Variants in CNTNAP2 observed in about 807,000 individuals in gnomAD.
CNTNAP2 encodes contactin-associated protein-like 2.
A neutral mutation model predicts 155.2 loss-of-function variants in CNTNAP2; 98 were observed. The observed-to-expected ratio is 0.63, with a 90% CI of 0.54 to 0.75. CNTNAP2 has a LOEUF of 0.75. Among genes scored for constraint, CNTNAP2 ranks in the 30% least tolerant of loss-of-function variants. The pLI, the probability that CNTNAP2 is intolerant of heterozygous loss-of-function variation, is 0.00. For synonymous variants in CNTNAP2, 651 were observed against 631.2 expected, an observed-to-expected ratio of 1.03 and a Z score of -0.47; for missense variants, 1,727 against 1,688.1, an observed-to-expected ratio of 1.02 and a Z score of -0.40.
intron 9 of CNTNAP2, among the ~76,000 whole-genome samples, chr7:147,337,647 C>T (rs1795687797): frequency 1.3e-5 from 2 of 152,112 alleles, no homozygotes; most frequent in South Asian, 4.1e-4. Context: ...ATTGTTATCA[C>T]AAAATACCAC....
intron 4 of CNTNAP2, among the ~76,000 whole-genome samples, chr7:147,067,968 G>A (rs139264869): frequency 1.3e-3 from 195 of 152,312 alleles, no homozygotes; most frequent in Non-Finnish European, 1.8e-3. Flanking sequence ...CTAGCCCATC[G>A]GCGTGTCAGC....
chr7:147,222,194 T>C (rs1342931219), intron 8 of CNTNAP2, among the ~76,000 whole-genome samples: 6 of 152,172 alleles, frequency 3.9e-5, no homozygotes, highest in Admixed American at 2.6e-4. Context: ...GGTTCATCTG[T>C]CTCTTCTCTT....
intron 3 of CNTNAP2, among the ~76,000 whole-genome samples, chr7:146,943,290 G>A (rs989445038): frequency 2.0e-5 from 3 of 152,138 alleles, no homozygotes; most frequent in South Asian, 2.1e-4. Context: ...TCAGGAATTC[G>A]AGACCAGCCT....
intron 13 of CNTNAP2, among the ~76,000 whole-genome samples, chr7:147,810,170 T>C (rs1020300464): frequency 4.6e-5 from 7 of 151,572 alleles, no homozygotes; most frequent in African/African-American, 1.5e-4. Context: ...TATTATTTAG[T>C]TTTAATTTTT....
intron 20 of CNTNAP2, among the ~76,000 whole-genome samples, chr7:148,247,623 C>CTATTTATTTA (rs1220582979): frequency 6.8e-5 from 7 of 102,458 alleles, no homozygotes; most frequent in South Asian, 3.7e-4. Flanking sequence ...CTCTCTCTCT[C>CTATTTATTTA]TCTATTTATT....
intron 13 of CNTNAP2, among the ~76,000 whole-genome samples, chr7:147,769,468 G>A (rs759560446): frequency 6.6e-6 from 1 of 152,102 alleles, no homozygotes; most frequent in Non-Finnish European, 1.5e-5. Context: ...CTATAGTGAA[G>A]TGTCTGATTA....
chr7:147,700,391 T>C (rs563545188), intron 13 of CNTNAP2, among the ~76,000 whole-genome samples: 15 of 152,264 alleles, frequency 9.9e-5, no homozygotes, highest in African/African-American at 3.6e-4. Context: ...GTGACCCAGG[T>C]GCGTGTAACT....
At chr7:147,004,212 C>CAAAAAAAAAAAAA (rs71525979) in intron 3 of CNTNAP2, among the ~76,000 whole-genome samples, 3 of 97,706 alleles carry the variant, frequency 3.1e-5, no homozygotes, top group Non-Finnish European at 6.5e-5. Context: ...ACTCATATAC[C>CAAAAAAAAAAAAA]AAAAAAAAAA....
At chr7:147,840,487 C>G (rs993078667) in intron 13 of CNTNAP2, among the ~76,000 whole-genome samples, 1 of 152,094 alleles carries the variant, frequency 6.6e-6, no homozygotes, top group South Asian at 2.1e-4. Context: ...TAGGAGAGTG[C>G]CCGGGAGGGA....
chr7:146,180,159 A>C (rs13243694), intron 1 of CNTNAP2, among the ~76,000 whole-genome samples: 1 of 152,158 alleles, frequency 6.6e-6, no homozygotes, highest in Non-Finnish European at 1.5e-5. Flanking sequence ...TTTCACTTTA[A>C]TAATTACAAC....
intron 1 of CNTNAP2, among the ~76,000 whole-genome samples, chr7:146,207,637 G>GTTTTTTTTTTTTTTT (rs57881187): frequency 1.6e-5 from 2 of 122,360 alleles, no homozygotes; most frequent in Non-Finnish European, 1.7e-5. Flanking sequence ...ACAGGACTGT[G>GTTTTTTTTTTTTTTT]TTTTTTTTTT....
At chr7:146,897,207 A>G (rs553937067) in intron 3 of CNTNAP2, among the ~76,000 whole-genome samples, 32 of 152,258 alleles carry the variant, frequency 2.1e-4, no homozygotes, top group African/African-American at 7.2e-4. Flanking sequence ...GATACTACTC[A>G]GTGTCTATTT....
At chr7:146,646,302 A>C (rs1324845129) in intron 1 of CNTNAP2, among the ~76,000 whole-genome samples, 2 of 152,156 alleles carry the variant, frequency 1.3e-5, no homozygotes, top group African/African-American at 4.8e-5. Context: ...TTTGTGAAAT[A>C]TATGTGAATG....
chr7:148,156,113 A>C (rs1805393344), intron 17 of CNTNAP2, among the ~76,000 whole-genome samples: 1 of 152,246 alleles, frequency 6.6e-6, no homozygotes, highest in Non-Finnish European at 1.5e-5. Context: ...GCAAAGATCT[A>C]GGCCTGCAGA....
intron 11 of CNTNAP2, among the ~76,000 whole-genome samples, chr7:147,552,668 C>T (rs1023218691): frequency 5.9e-5 from 9 of 151,936 alleles, no homozygotes; most frequent in African/African-American, 2.2e-4. Context: ...AATCACATCC[C>T]TCACTTTTCT....
At chr7:146,344,470 CT>C (rs566140535) in intron 1 of CNTNAP2, among the ~76,000 whole-genome samples, 4,170 of 144,498 alleles carry the variant, frequency 0.029, 78 homozygotes, top group African/African-American at 0.059. Context: ...ATTGAACTAG[CT>C]TTTTTTTTTT....
chr7:147,632,758 A>G (rs888493138), intron 12 of CNTNAP2, among the ~76,000 whole-genome samples: 2 of 152,194 alleles, frequency 1.3e-5, no homozygotes, highest in Admixed American at 6.6e-5. Context: ...GAGGGCTCAG[A>G]ATAAGACAAG....
At chr7:146,195,994 T>C (rs1798769779) in intron 1 of CNTNAP2, among the ~76,000 whole-genome samples, 1 of 152,226 alleles carries the variant, frequency 6.6e-6, no homozygotes, top group African/African-American at 2.4e-5. Context: ...CTACTGCTCC[T>C]GCACCTCTAG....
At chr7:147,198,675 G>A (rs1387041126) in intron 8 of CNTNAP2, among the ~76,000 whole-genome samples, 1 of 152,156 alleles carries the variant, frequency 6.6e-6, no homozygotes, top group Non-Finnish European at 1.5e-5. Flanking sequence ...TTACTCAGAT[G>A]CCTCCTAATC....
Sources: gnomAD v4.1 joint callset for allele counts (sites outside exome capture counted in the v4.1 genomes callset) on GRCh38, gnomAD v4.1.1 for gene constraint, MANE v1.5 for transcripts, NCBI Gene and HGNC (gene_info 2026-07-23, HGNC 2026-07-21) for gene names.